The following FOCAD variants were observed in gnomAD, a reference collection of about 807,000 sequenced individuals.
The protein encoded by FOCAD is KIAA1797.
FOCAD carries 198 observed loss-of-function variants against 225.6 expected under a neutral mutation model. That is an observed-to-expected ratio of 0.88 (90% CI 0.78 to 0.99). The LOEUF (loss-of-function observed/expected upper bound fraction) is 0.99. Ranked by LOEUF, FOCAD falls within the 50% of genes least tolerant of loss-of-function variation. The pLI, the probability that FOCAD is intolerant of heterozygous loss-of-function variation, is 0.00. For synonymous variants in FOCAD, 897 were observed against 755.0 expected (o/e 1.19, Z -3.08); for missense variants, 2,713 against 2,123.6 (o/e 1.28, Z -5.46).
At chr9:20,678,004 A>G (rs1049467439) in intron 2 of FOCAD, among the ~76,000 whole-genome samples, 5 of 152,232 alleles carry the variant, frequency 3.3e-5, no homozygotes, top group Non-Finnish European at 7.3e-5. Flanking sequence ...TGAAGTTTTT[A>G]TATATCCTTT....
chr9:20,826,198 G>A (rs1176459635), intron 15 of FOCAD, among the ~76,000 whole-genome samples: 1 of 152,090 alleles, frequency 6.6e-6, no homozygotes, highest in Non-Finnish European at 1.5e-5. Context: ...TAACATTTGA[G>A]TCAGTGGACT....
At chr9:20,702,323 C>T (rs1203931294) in intron 1 of FOCAD, among the ~76,000 whole-genome samples, 6 of 152,040 alleles carry the variant, frequency 3.9e-5, no homozygotes, top group African/African-American at 7.2e-5. Flanking sequence ...AGGTTGATTT[C>T]GAACCCCTGG....
intron 19 of FOCAD, among the ~76,000 whole-genome samples, chr9:20,878,686 G>C (rs1254067522): frequency 6.6e-6 from 1 of 152,152 alleles, no homozygotes; most frequent in Non-Finnish European, 1.5e-5. Flanking sequence ...TATATGAGGG[G>C]ACCGATTAGG....
chr9:20,946,080 TATTCATTC>T (rs57359069), intron 29 of FOCAD, among the ~76,000 whole-genome samples: 52,291 of 122,176 alleles, frequency 0.43, 9,411 homozygotes, highest in Admixed American at 0.49. Context: ...ATATTTTATT[TATTCATTC>T]ATTCATTCAT....
At chr9:20,910,315 G>A (rs1270862481) in intron 22 of FOCAD, among the ~76,000 whole-genome samples, 1 of 136,326 alleles carries the variant, frequency 7.3e-6, no homozygotes, top group African/African-American at 2.8e-5. Flanking sequence ...GGGCTCTTTG[G>A]AATTGTGAAT....
intron 35 of FOCAD, among the ~76,000 whole-genome samples, chr9:20,963,191 G>T (rs571703552): frequency 6.6e-6 from 1 of 152,212 alleles, no homozygotes; most frequent in East Asian, 1.9e-4. Flanking sequence ...AAATGTGGAA[G>T]ATTTATTTCA....
At chr9:20,972,454 A>C (rs1392265690) in intron 35 of FOCAD, among the ~76,000 whole-genome samples, 3 of 152,002 alleles carry the variant, frequency 2.0e-5, no homozygotes, top group Admixed American at 6.6e-5. Context: ...CTTTGGGAAA[A>C]TGTCTAAGTT....
intron 7 of FOCAD, 47 bp from the exon 8 acceptor site, chr9:20,769,985 T>G (rs1458616972): frequency 6.6e-7 from 1 of 1,514,072 alleles, no homozygotes; most frequent in Admixed American, 1.8e-5. Flanking sequence ...AAAATTATCT[T>G]TTGGTTTGTG....
At chr9:20,856,400 T>C (rs1564076798) in intron 15 of FOCAD, among the ~76,000 whole-genome samples, 1 of 152,090 alleles carries the variant, frequency 6.6e-6, no homozygotes, top group African/African-American at 2.4e-5. Flanking sequence ...TTGATAAATA[T>C]CTATTCAGAT....
At chr9:20,854,288 T>C (rs573998305) in intron 15 of FOCAD, among the ~76,000 whole-genome samples, 1 of 151,922 alleles carries the variant, frequency 6.6e-6, no homozygotes, top group South Asian at 2.1e-4. Context: ...CTGATTCTTC[T>C]GAGGTTCACT....
intron 14 of FOCAD, among the ~76,000 whole-genome samples, chr9:20,822,667 A>T (rs10757147): frequency 1.3e-5 from 2 of 151,796 alleles, no homozygotes; most frequent in Non-Finnish European, 1.5e-5. Context: ...AATCTCAATT[A>T]GGTAATTCAG....
chr9:20,661,183 A>G (rs1181715558), intron 2 of FOCAD, among the ~76,000 whole-genome samples: 4 of 152,222 alleles, frequency 2.6e-5, no homozygotes, highest in Non-Finnish European at 5.9e-5. Flanking sequence ...GTACGGAAGC[A>G]AAGTTATCTG....
In FOCAD at chr9:20,820,373, C is replaced by T. The variant is rs751218659; in HGVS notation, c.1610C>T (p.Pro537Leu). Reference sequence around the variant, plus strand: ...ATAATACAACTACTTGGAACCACACCACGACTAAGAGCTGTCACTTTGCGC... The same window carrying T: ...ATAATACAACTACTTGGAACCACACTACGACTAAGAGCTGTCACTTTGCGC... ...LRIIQLLGTT[P>L]RLRAVTLRLL... The change falls in exon 13 of 44, where the codon CCA (proline) becomes CTA (leucine). Residue 537 changes from proline (P) to leucine (L), a missense_variant. By Grantham distance (98) the Pro-to-Leu change is moderately conservative. Transcript: ENST00000338382. 6.2e-7 allele frequency: 1 copy of T among 1,612,824 alleles called. No homozygotes were observed. The highest frequency in any genetic ancestry group is 2.2e-5 in the East Asian group (1 of 44,820).
chr9:20,860,731 G>A (rs1163732608), intron 15 of FOCAD, among the ~76,000 whole-genome samples: 1 of 152,126 alleles, frequency 6.6e-6, no homozygotes, highest in Non-Finnish European at 1.5e-5. Flanking sequence ...GGCTGGTCTC[G>A]AACTCCTGAC....
intron 35 of FOCAD, among the ~76,000 whole-genome samples, chr9:20,975,267 C>T (rs992289055): frequency 6.6e-6 from 1 of 152,180 alleles, no homozygotes; most frequent in Non-Finnish European, 1.5e-5. Flanking sequence ...TGTTTGCACT[C>T]ACAAATGCTC....
intron 37 of FOCAD, 66 bp from the exon 38 acceptor site, chr9:20,981,360 C>T: frequency 6.5e-7 from 1 of 1,539,178 alleles, no homozygotes; most frequent in South Asian, 1.2e-5. Context: ...TGATGATGTA[C>T]AGGTTTTGAA....
chr9:20,983,488 C>T (rs1403640903), intron 39 of FOCAD, among the ~76,000 whole-genome samples: 1 of 150,136 alleles, frequency 6.7e-6, no homozygotes, highest in Non-Finnish European at 1.5e-5. Context: ...AGGAGAATCG[C>T]TTGAACCCGG....
chr9:20,974,731 T>C (rs796632947), intron 35 of FOCAD, among the ~76,000 whole-genome samples: 58 of 141,058 alleles, frequency 4.1e-4, no homozygotes, highest in African/African-American at 8.9e-4. Flanking sequence ...CTCCTTTCTG[T>C]AGCTGTTTTT....
At chr9:20,935,455 C>G (rs1456104493) in intron 28 of FOCAD, among the ~76,000 whole-genome samples, 1 of 152,174 alleles carries the variant, frequency 6.6e-6, no homozygotes, top group Non-Finnish European at 1.5e-5. Context: ...GGCTGGAGTG[C>G]AATGGTGGAA....
Sources: allele counts gnomAD v4.1 joint callset (sites outside exome capture counted in the v4.1 genomes callset), GRCh38; gene constraint gnomAD v4.1.1; transcripts MANE v1.5; gene names NCBI Gene and HGNC (gene_info 2026-07-23, HGNC 2026-07-21).